The following CCDC91 variants were observed in gnomAD, a reference collection of about 807,000 sequenced individuals.
The protein encoded by CCDC91 is coiled-coil domain containing 91, also known as coiled-coil domain-containing protein 91.
In CCDC91, 48 loss-of-function variants were observed where a neutral mutation model predicts 63.2. That is an observed-to-expected ratio of 0.76 (90% CI 0.60 to 0.97). The LOEUF (loss-of-function observed/expected upper bound fraction) is 0.97. CCDC91 is among the 50% of genes least tolerant of loss of function. The pLI is 0.00. For missense variants in CCDC91, 500 were observed against 494.6 expected (o/e 1.01, Z -0.10); for synonymous variants, 167 against 165.8 (o/e 1.01, Z -0.06).
At chr12:28,250,487 AT>A in intron 1 of CCDC91, among the ~76,000 whole-genome samples, 1 of 152,148 alleles carries the variant, frequency 6.6e-6, no homozygotes, top group Non-Finnish European at 1.5e-5. Context: ...CCCAATAATA[AT>A]TGGACACTTG....
chr12:28,522,704 G>A (rs1454667074), intron 12 of CCDC91, among the ~76,000 whole-genome samples: 3 of 150,754 alleles, frequency 2.0e-5, no homozygotes, highest in East Asian at 2.0e-4. Context: ...TTCTCTTGTG[G>A]GCATTTAGTG....
In CCDC91 at chr12:28,354,143, A is replaced by G. The variant is rs150519888; in HGVS notation, c.577-8295A>G. 5.2e-4 allele frequency among the ~76,000 whole-genome samples: 79 copies of G among 152,278 alleles called. 1 individual carries two copies. The highest frequency in any genetic ancestry group is 1.8e-3 in the African/African-American group (73 of 41,554). ...ACTTAGTGGCTTAAAACAGCAGAAA[A>G]TTATGTTATGGAGGTCACAGTTTTA... On this transcript the variant is annotated intron_variant, in intron 6 of 12. Coordinates refer to ENST00000536442, the MANE Select transcript of CCDC91 (RefSeq NM_018318.5).
chr12:28,330,579 T>G (rs1219201827), intron 6 of CCDC91, among the ~76,000 whole-genome samples: 1 of 152,168 alleles, frequency 6.6e-6, no homozygotes. Flanking sequence ...TTCACTCTGA[T>G]GGTAGTTTCT....
At chr12:28,441,767 T>C (rs1278965227) in intron 8 of CCDC91, among the ~76,000 whole-genome samples, 1 of 150,792 alleles carries the variant, frequency 6.6e-6, no homozygotes, top group African/African-American at 2.4e-5. Flanking sequence ...TATGTATATG[T>C]GTATGCATGT....
chr12:28,206,784 A>G (rs1389904878), intron 1 of CCDC91, among the ~76,000 whole-genome samples: 1 of 152,224 alleles, frequency 6.6e-6, no homozygotes, highest in African/African-American at 2.4e-5. Flanking sequence ...CCTAGCCTTT[A>G]CAGTATATAA....
intron 3 of CCDC91, among the ~76,000 whole-genome samples, chr12:28,305,431 A>T (rs974035247): frequency 1.3e-5 from 2 of 152,102 alleles, no homozygotes; most frequent in Non-Finnish European, 2.9e-5. Flanking sequence ...TGGATCTTAC[A>T]TGGAAGTGTC....
At chr12:28,503,171 C>T (rs1348572107) in intron 12 of CCDC91, among the ~76,000 whole-genome samples, 14 of 152,060 alleles carry the variant, frequency 9.2e-5, no homozygotes, top group South Asian at 2.1e-4. Context: ...AGAAAATTTT[C>T]GCAACCTACT....
intron 8 of CCDC91, among the ~76,000 whole-genome samples, chr12:28,426,314 T>G (rs1948313770): frequency 6.6e-6 from 1 of 152,180 alleles, no homozygotes; most frequent in Non-Finnish European, 1.5e-5. Context: ...TATGCTGCGG[T>G]AGTGTTCCCT....
chr12:28,220,509 C>T (rs1943865883), intron 1 of CCDC91, among the ~76,000 whole-genome samples: 2 of 151,426 alleles, frequency 1.3e-5, no homozygotes, highest in South Asian at 2.1e-4. Flanking sequence ...TTAGATTTAC[C>T]CACCTGTTTG....
intron 8 of CCDC91, chr12:28,412,724 C>T (rs1947393202): frequency 2.2e-6 from 1 of 453,050 alleles, no homozygotes; most frequent in Non-Finnish European, 4.4e-6. Context: ...CCTTATTGTC[C>T]CCTCCCATGT....
intron 6 of CCDC91, among the ~76,000 whole-genome samples, chr12:28,347,918 T>C (rs1173045060): frequency 2.0e-5 from 3 of 152,230 alleles, no homozygotes; most frequent in Non-Finnish European, 4.4e-5. Context: ...GACACTCCTT[T>C]AGTCCCACTT....
intron 1 of CCDC91, among the ~76,000 whole-genome samples, chr12:28,242,345 G>A (rs982093271): frequency 7.9e-5 from 12 of 152,292 alleles, no homozygotes; most frequent in Non-Finnish European, 1.3e-4. Flanking sequence ...CTTGTGTCCA[G>A]TTTATTCTTA....
At chr12:28,456,587 A>G (rs1950069552) in intron 11 of CCDC91, among the ~76,000 whole-genome samples, 1 of 152,194 alleles carries the variant, frequency 6.6e-6, no homozygotes, top group South Asian at 2.1e-4. Context: ...ATATCAAATT[A>G]CACACTTAAT....
At chr12:28,288,844 T>C (rs997587376) in intron 3 of CCDC91, among the ~76,000 whole-genome samples, 1 of 152,148 alleles carries the variant, frequency 6.6e-6, no homozygotes, top group Non-Finnish European at 1.5e-5. Flanking sequence ...CTACTTATTA[T>C]TGATTCAGTT....
At chr12:28,528,745 A>G (rs1183097048) in intron 12 of CCDC91, among the ~76,000 whole-genome samples, 2 of 151,816 alleles carry the variant, frequency 1.3e-5, no homozygotes, top group Admixed American at 1.3e-4. Flanking sequence ...AGGGGTTTTT[A>G]TGTTTGTTTT....
Position 28,459,142 on chromosome 12 carries a change from T to G in CCDC91, c.1101+6488T>G, listed in dbSNP as rs181351508. 2.6e-3 allele frequency among the ~76,000 whole-genome samples: 399 copies of G among 152,202 alleles called. 9 individuals are homozygous for G. The highest frequency in any genetic ancestry group is 0.025 in the Admixed American group (388 of 15,256). ...CTTGGTTCATACTGCACCATCAGCC[T>G]AGAATCCCATTGCTTCCTGACTGGC... On this transcript the variant is annotated intron_variant, in intron 11 of 12. Coordinates refer to ENST00000536442, the MANE Select transcript of CCDC91 (RefSeq NM_018318.5).
chr12:28,270,033 A>T (rs1203680031), intron 3 of CCDC91, among the ~76,000 whole-genome samples: 1 of 151,976 alleles, frequency 6.6e-6, no homozygotes, highest in Non-Finnish European at 1.5e-5. Flanking sequence ...ATAATGATTT[A>T]ATTAATAAAA....
intron 8 of CCDC91, among the ~76,000 whole-genome samples, chr12:28,414,364 G>T (rs979755897): frequency 6.6e-6 from 1 of 152,124 alleles, no homozygotes; most frequent in East Asian, 1.9e-4. Context: ...GTGTGTAGGG[G>T]AAGGAAGAAG....
At chr12:28,295,295 C>T (rs1036829622) in intron 3 of CCDC91, among the ~76,000 whole-genome samples, 2 of 152,054 alleles carry the variant, frequency 1.3e-5, no homozygotes, top group African/African-American at 2.4e-5. Context: ...TCTACTTTAT[C>T]GCTGTGAGTC....
Sources: gnomAD v4.1 joint callset for allele counts (sites outside exome capture counted in the v4.1 genomes callset) on GRCh38, gnomAD v4.1.1 for gene constraint, MANE v1.5 for transcripts, NCBI Gene and HGNC (gene_info 2026-07-23, HGNC 2026-07-21) for gene names.